CHST8: variants seen among roughly 807,000 people sequenced by gnomAD.
CHST8 encodes the protein GALNAC-4-ST1.
Under a neutral mutation model 15.0 loss-of-function variants are expected in CHST8, and 10 were observed. The observed-to-expected ratio is 0.67, with a 90% CI of 0.41 to 1.13. The LOEUF is 1.13. CHST8 is among the 50% of genes most tolerant of loss of function. CHST8 has a pLI of 0.00. For missense variants in CHST8, 634 were observed against 608.2 expected, an observed-to-expected ratio of 1.04 and a Z score of -0.45; for synonymous variants, 259 against 256.6, an observed-to-expected ratio of 1.01 and a Z score of -0.09.
rs760088479 is a variant in CHST8, at chr19:33,773,045, C to T, written c.1257C>T (p.Pro419=). ...ACCTGATGTTCAACTATTCCAAGCC[C>T]TTTGCAGATCTGTACTGAGGGGCGC... ...MDYLMFNYSK[P]FADLY Residue 419 remains proline (P), a synonymous_variant, in exon 5 of 5, where the codon CCC becomes CCT. Coordinates refer to ENST00000650847, the MANE Select transcript of CHST8 (RefSeq NM_001127895.2). 221 of 1,607,132 alleles carry T rather than the reference C, an allele frequency of 1.4e-4. No individual in the cohort carries two copies. The highest frequency in any genetic ancestry group is 1.8e-4 in the Non-Finnish European group (210 of 1,179,424).
At chr19:33,729,060 G>A (rs533732261) in intron 3 of CHST8, among the ~76,000 whole-genome samples, 134 of 152,278 alleles carry the variant, frequency 8.8e-4, no homozygotes, top group African/African-American at 3.2e-3. Flanking sequence ...AGCAGGCGTG[G>A]GCAGAGAGGA....
At chr19:33,714,655 C>T (rs563680441) in intron 3 of CHST8, among the ~76,000 whole-genome samples, 148 of 152,332 alleles carry the variant, frequency 9.7e-4, no homozygotes, top group African/African-American at 3.4e-3. Context: ...ACAATTCCCA[C>T]ATGTCCTGGG....
In CHST8 at chr19:33,689,225, C is replaced by A; in HGVS notation, c.-37C>A. The A allele has an allele frequency of 6.6e-7, 1 of 1,513,050 alleles. No homozygotes were observed. The highest frequency in any genetic ancestry group is 2.5e-5 in the East Asian group (1 of 40,690). 93.7% of individuals were successfully genotyped at this position (1,513,050 alleles called of 1,614,324 possible). The stretch of plus-strand genomic sequence containing the variant: ...GTGGACGATGAGGGAAGAACGTGCC[C>A]CCCACACCCAAGAGGTGACCCCTGA... On this transcript the variant is annotated 5_prime_UTR_variant, in exon 3 of 5. Coordinates refer to ENST00000650847, the MANE Select transcript of CHST8 (RefSeq NM_001127895.2).
intron 1 of CHST8, among the ~76,000 whole-genome samples, chr19:33,649,056 A>G (rs1346162193): frequency 1.3e-5 from 2 of 151,834 alleles, no homozygotes; most frequent in African/African-American, 4.8e-5. Flanking sequence ...GGCGCCCGCA[A>G]CTAAGCCCGG....
At chr19:33,694,164 TTATTCATATATA>T in intron 3 of CHST8, among the ~76,000 whole-genome samples, 1 of 74,556 alleles carries the variant, frequency 1.3e-5, no homozygotes, top group East Asian at 4.4e-4. Context: ...CTATTGTAGT[TTATTCATATATA>T]TATATATATA....
chr19:33,772,560 C>G lies in CHST8; in HGVS notation c.772C>G (p.Arg258Gly). 1 of 1,614,094 alleles carries G rather than the reference C, an allele frequency of 6.2e-7. No homozygotes were observed. The highest frequency in any genetic ancestry group is 8.5e-7 in the Non-Finnish European group (1 of 1,180,028). Residue 258 changes from arginine to glycine, a missense_variant, in exon 5 of 5, where the codon CGC (arginine) becomes GGC (glycine). By Grantham distance (125) the Arg-to-Gly change is moderately radical. Coordinates refer to ENST00000650847, the MANE Select transcript of CHST8 (RefSeq NM_001127895.2). ...LSTYTKMLFV[R>G]EPFERLVSAF... ...CACCTACACCAAGATGCTCTTTGTC[C>G]GCGAGCCCTTCGAGAGGCTGGTGTC...
intron 1 of CHST8, among the ~76,000 whole-genome samples, chr19:33,635,758 G>A (rs541857751): frequency 6.4e-4 from 98 of 152,146 alleles, no homozygotes; most frequent in Non-Finnish European, 4.6e-4. Flanking sequence ...AGGGTTCACT[G>A]GAGAGCTATG....
chr19:33,641,905 C>T (rs1374238057), intron 1 of CHST8, among the ~76,000 whole-genome samples: 1 of 152,182 alleles, frequency 6.6e-6, no homozygotes, highest in East Asian at 1.9e-4. Flanking sequence ...AGTCTGGAGA[C>T]TAATTCAGAA....
intron 1 of CHST8, among the ~76,000 whole-genome samples, chr19:33,662,063 CT>C (rs1307299331): frequency 6.6e-6 from 1 of 151,694 alleles, no homozygotes; most frequent in African/African-American, 2.4e-5. Flanking sequence ...AGGATGATTT[CT>C]TTTTTTTCTC....
intron 1 of CHST8, among the ~76,000 whole-genome samples, chr19:33,625,471 C>T (rs976240918): frequency 5.9e-5 from 9 of 152,092 alleles, no homozygotes; most frequent in South Asian, 2.1e-4. Flanking sequence ...CAGAAGGTGA[C>T]GAGTTATAAA....
intron 3 of CHST8, among the ~76,000 whole-genome samples, chr19:33,703,561 C>A (rs1973386184): frequency 6.6e-6 from 1 of 152,240 alleles, no homozygotes; most frequent in Admixed American, 6.5e-5. Context: ...GGCCCACACA[C>A]CCTGGGGCTA....
At chr19:33,738,087 T>A (rs140983570) in intron 3 of CHST8, among the ~76,000 whole-genome samples, 2,846 of 152,338 alleles carry the variant, frequency 0.019, 31 homozygotes, top group Non-Finnish European at 0.027. Context: ...TATGACATGC[T>A]GCTAGAACAT....
intron 3 of CHST8, among the ~76,000 whole-genome samples, chr19:33,706,342 G>A (rs1420407607): frequency 6.6e-6 from 1 of 152,218 alleles, no homozygotes; most frequent in Non-Finnish European, 1.5e-5. Context: ...AGGTGCCCAT[G>A]TGTGTGCATG....
rs1449292081 is a variant in CHST8 at position 33,622,247 on chromosome 19, C to T, written c.-213C>T. The T allele has an allele frequency of 1.3e-5, 2 of 152,058 alleles. No individual in the cohort carries two copies. Among genetic ancestry groups the T allele is most frequent in the South Asian group, 2.1e-4 (1 of 4,826 alleles). The allele number at this position is 152,058 out of a possible 1,614,324, so 9.4% of individuals were successfully genotyped here. A position where few individuals can be genotyped will look rare whatever the true frequency, so the allele number is the denominator to read the frequency against. ...AAGCAGAGGATCCGCCGCGGAGAAC[C>T]GCTCCCGGACTGGAGGCGCCCGCGG... On this transcript the variant is annotated 5_prime_UTR_variant, in exon 1 of 5. Transcript: ENST00000650847.
chr19:33,633,506 C>T (rs1186592581), intron 1 of CHST8, among the ~76,000 whole-genome samples: 1 of 152,134 alleles, frequency 6.6e-6, no homozygotes, highest in Non-Finnish European at 1.5e-5. Context: ...AGCCTCCCGC[C>T]TCAGCCTCCC....
intron 3 of CHST8, among the ~76,000 whole-genome samples, chr19:33,757,312 G>A (rs1974565375): frequency 6.7e-6 from 1 of 150,326 alleles, no homozygotes; most frequent in Non-Finnish European, 1.5e-5. Context: ...ACCAGGAGGT[G>A]GAGGTTGCAG....
chr19:33,668,497 A>G (rs1972692631), intron 2 of CHST8, among the ~76,000 whole-genome samples: 1 of 152,086 alleles, frequency 6.6e-6, no homozygotes, highest in African/African-American at 2.4e-5. Context: ...AAAATAGGGT[A>G]ATCATCTTAC....
At chr19:33,732,024 C>T (rs939815487) in intron 3 of CHST8, among the ~76,000 whole-genome samples, 4 of 152,170 alleles carry the variant, frequency 2.6e-5, no homozygotes, top group Admixed American at 6.5e-5. Context: ...GGGACAGCTG[C>T]GTCTCCACTT....
intron 3 of CHST8, among the ~76,000 whole-genome samples, chr19:33,691,436 G>A (rs997985625): frequency 1.3e-5 from 2 of 152,212 alleles, no homozygotes; most frequent in Non-Finnish European, 2.9e-5. Context: ...TTTAAGTAAT[G>A]CTTACGTTAC....
Sources: allele counts gnomAD v4.1 joint callset (sites outside exome capture counted in the v4.1 genomes callset), GRCh38; gene constraint gnomAD v4.1.1; transcripts MANE v1.5; gene names NCBI Gene and HGNC (gene_info 2026-07-23, HGNC 2026-07-21).